The following TEC variants were observed in gnomAD, a reference collection of about 807,000 sequenced individuals.
TEC encodes tec protein tyrosine kinase.
In TEC, 72 loss-of-function variants were observed where a neutral mutation model predicts 93.0. The observed-to-expected ratio is 0.77, with a 90% CI of 0.64 to 0.94. TEC has a LOEUF of 0.94. Among genes scored for constraint, TEC ranks in the 40% least tolerant of loss-of-function variants. TEC has a pLI of 0.00. For missense variants in TEC, 630 were observed against 757.9 expected (o/e 0.83, Z 1.98); for synonymous variants, 249 against 247.7 (o/e 1.01, Z -0.05).
intron 1 of TEC, among the ~76,000 whole-genome samples, chr4:48,257,912 T>A (rs886276620): frequency 1.3e-5 from 2 of 152,200 alleles, no homozygotes; most frequent in African/African-American, 4.8e-5. Context: ...GACACATTAA[T>A]GAGCAGTGAA....
intron 1 of TEC, among the ~76,000 whole-genome samples, chr4:48,248,308 C>G (rs931630859): frequency 2.6e-5 from 4 of 152,156 alleles, no homozygotes; most frequent in African/African-American, 9.7e-5. Context: ...ATTCACGCTT[C>G]TGGCAATTAT....
chr4:48,148,403 T>C (rs904943664), intron 11 of TEC, among the ~76,000 whole-genome samples: 3 of 152,206 alleles, frequency 2.0e-5, no homozygotes, highest in Non-Finnish European at 4.4e-5. Flanking sequence ...ATTTTTAAAG[T>C]CAAAGGCTGG....
chr4:48,209,592 A>G (rs1397166172), intron 2 of TEC, among the ~76,000 whole-genome samples: 1 of 152,144 alleles, frequency 6.6e-6, no homozygotes, highest in East Asian at 1.9e-4. Context: ...CAGCCTGGGT[A>G]ACAGAGTGAG....
At chr4:48,168,080 C>CAAAAAA in intron 6 of TEC, 127 bp from the exon 7 acceptor site, 1 of 778,862 alleles carries the variant, frequency 1.3e-6, no homozygotes, top group Non-Finnish European at 2.0e-6. Flanking sequence ...TACTATAATC[C>CAAAAAA]AACAAACTCT....
intron 1 of TEC, among the ~76,000 whole-genome samples, chr4:48,255,710 C>G (rs1010855128): frequency 2.0e-5 from 3 of 152,162 alleles, no homozygotes. Context: ...AAAATAGTAC[C>G]TACCTCCTAT....
rs1199011229 is a variant in TEC, at chr4:48,136,304, G to T, written c.*1112C>A. On this transcript the variant is annotated 3_prime_UTR_variant, in exon 18 of 18. Coordinates refer to ENST00000381501, the MANE Select transcript of TEC (RefSeq NM_003215.3). Reference sequence around the variant, plus strand: ...CATCCAGGAACCCAAGTCCAACCAGGCCTCCTGAAAAACGTCCGGGAGGCA... The same window carrying T: ...CATCCAGGAACCCAAGTCCAACCAGTCCTCCTGAAAAACGTCCGGGAGGCA... 6.6e-6 allele frequency: 1 copy of T among 152,176 alleles called. No individual in the cohort carries two copies. Among genetic ancestry groups the T allele is most frequent in the Non-Finnish European group, 1.5e-5 (1 of 68,082 alleles). 9.4% of individuals were successfully genotyped at this position (152,176 alleles called of 1,614,324 possible). A position where few individuals can be genotyped will look rare whatever the true frequency, so the allele number is the denominator to read the frequency against.
chr4:48,220,205 T>C (rs1468341801), intron 2 of TEC, among the ~76,000 whole-genome samples: 1 of 151,312 alleles, frequency 6.6e-6, no homozygotes, highest in Admixed American at 6.6e-5. Context: ...GGATATCCAG[T>C]GCATCCAGCC....
chr4:48,149,631 TTC>T lies in TEC; in HGVS notation c.930_931del (p.Lys311ValfsTer5). On this transcript the variant is annotated frameshift_variant, in exon 11 of 18. Transcript: ENST00000381501. LOFTEE classifies it high-confidence loss of function. The stretch of plus-strand genomic sequence containing the variant: ...AGCATGTTTTTCAGCTAGGTAATAC[TTC>T]TTTGGAGATGTTGTTGTTTCCTTTA... The T allele has an allele frequency of 6.2e-7, 1 of 1,612,672 alleles. No homozygotes were observed. The highest frequency in any genetic ancestry group is 8.5e-7 in the Non-Finnish European group (1 of 1,179,496).
intron 14 of TEC, among the ~76,000 whole-genome samples, chr4:48,144,112 G>A (rs1719800086): frequency 6.6e-6 from 1 of 152,080 alleles, no homozygotes; most frequent in South Asian, 2.1e-4. Flanking sequence ...GCTACTTGGG[G>A]GCTGAGGCAG....
At chr4:48,153,331 A>G (rs993712554) in intron 9 of TEC, 1 of 152,166 alleles carries the variant, frequency 6.6e-6, no homozygotes, top group African/African-American at 2.4e-5. Flanking sequence ...TGAAAGTGCA[A>G]CAATTGCAGG....
intron 1 of TEC, among the ~76,000 whole-genome samples, chr4:48,232,336 A>G (rs1418608376): frequency 6.6e-6 from 1 of 152,126 alleles, no homozygotes; most frequent in Non-Finnish European, 1.5e-5. Flanking sequence ...TATCTGACAT[A>G]TGTGTGATTA....
intron 2 of TEC, among the ~76,000 whole-genome samples, chr4:48,198,513 A>G (rs777610824): frequency 3.9e-5 from 6 of 152,208 alleles, no homozygotes; most frequent in Non-Finnish European, 8.8e-5. Context: ...AAATAGCCCC[A>G]ACTCCTTTTC....
chr4:48,206,149 A>G (rs1722706465), intron 2 of TEC, among the ~76,000 whole-genome samples: 1 of 92,116 alleles, frequency 1.1e-5, no homozygotes, highest in Non-Finnish European at 2.3e-5. Context: ...CAAGAAGTAG[A>G]TTAGGGTTGC....
At chr4:48,181,002 G>C (rs540098129) in intron 2 of TEC, among the ~76,000 whole-genome samples, 4 of 152,242 alleles carry the variant, frequency 2.6e-5, no homozygotes, top group South Asian at 2.1e-4. Flanking sequence ...ACAAAACTTT[G>C]TGACCACTTA....
At chr4:48,181,957 T>C (rs1439762755) in intron 2 of TEC, among the ~76,000 whole-genome samples, 3 of 152,200 alleles carry the variant, frequency 2.0e-5, no homozygotes, top group Admixed American at 6.5e-5. Context: ...AAATACTTCA[T>C]GATTCATGGC....
At chr4:48,175,588 C>T (rs903905924) in intron 3 of TEC, among the ~76,000 whole-genome samples, 3 of 152,038 alleles carry the variant, frequency 2.0e-5, no homozygotes, top group East Asian at 1.9e-4. Flanking sequence ...AGAGGAGATG[C>T]GCGTGTGTGT....
Position 48,268,540 on chromosome 4 carries a change from T to C in TEC, c.-46+1212A>G, listed in dbSNP as rs1404069629. Among the ~76,000 whole-genome samples the C allele has an allele frequency of 3.3e-5, 5 of 152,262 alleles. No homozygotes were observed. In the East Asian group the frequency reaches 9.6e-4, roughly 29 times the overall value. On this transcript the variant is annotated intron_variant, in intron 1 of 17. Transcript: ENST00000381501. The stretch of plus-strand genomic sequence containing the variant: ...ATAATGTGAAAGTTACCCATACTTC[T>C]ATTTTCCCCTTAGAAATAAATCTTA...
rs1553892128 is a variant in TEC, at chr4:48,212,110, A to ATATATAT, written c.138+16366_138+16367insATATATA. Among the ~76,000 whole-genome samples the ATATATAT allele has an allele frequency of 5.8e-3, 703 of 122,210 alleles. 5 individuals are homozygous for ATATATAT. Among genetic ancestry groups the ATATATAT allele is most frequent in the Non-Finnish European group, 8.0e-3 (478 of 59,492 alleles). 80.2% of individuals were successfully genotyped at this position (122,210 alleles called of 152,430 possible). ...TGAGACTCTGTCTCAAAAAAAAAAA[A>ATATATAT]ATATATATATATATATATATATGTA... On this transcript the variant is annotated intron_variant, in intron 2 of 17. Coordinates refer to ENST00000381501, the MANE Select transcript of TEC (RefSeq NM_003215.3).
intron 1 of TEC, among the ~76,000 whole-genome samples, chr4:48,233,426 C>T (rs1264884251): frequency 7.3e-5 from 11 of 151,436 alleles, no homozygotes; most frequent in African/African-American, 2.4e-4. Flanking sequence ...GAACTTCCTG[C>T]CTCAGCCTCC....
Sources: gnomAD v4.1 joint callset for allele counts (sites outside exome capture counted in the v4.1 genomes callset) on GRCh38, gnomAD v4.1.1 for gene constraint, MANE v1.5 for transcripts, NCBI Gene and HGNC (gene_info 2026-07-23, HGNC 2026-07-21) for gene names.